GCSAML: variants seen among roughly 807,000 people sequenced by gnomAD.
GCSAML encodes germinal center associated signaling and motility like.
A neutral mutation model predicts 13.0 loss-of-function variants in GCSAML; 9 were observed. The ratio of observed to expected loss-of-function variants is 0.69; its 90% CI spans 0.42 to 1.21. GCSAML has a LOEUF of 1.21. GCSAML is among the 50% of genes most tolerant of loss of function. The pLI is 0.00. For synonymous variants in GCSAML, 37 were observed against 52.9 expected (o/e 0.70, Z 1.31); for missense variants, 143 against 153.4 (o/e 0.93, Z 0.36).
chr1:247,547,929 G>A (rs960996122), upstream of GCSAML, among the ~76,000 whole-genome samples: 3 of 152,086 alleles, frequency 2.0e-5, no homozygotes, highest in Non-Finnish European at 4.4e-5. Context: ...ATCTGAAATG[G>A]GGTGTGTGAC....
rs546856260 is a variant in GCSAML, at chr1:247,511,074, T to G, written c.-263+3841T>G. On this transcript the variant is annotated intron_variant, in intron 1 of 5. Coordinates refer to the GCSAML transcript ENST00000366489. ...CCTTGTTAATTTTGTCTCACTGATC[T>G]AATATTGACAGTGAGGTGTTAAAGT... 1.8e-3 allele frequency among the ~76,000 whole-genome samples: 270 copies of G among 152,346 alleles called. 5 individuals carry two copies. Among genetic ancestry groups the G allele is most frequent in the Admixed American group, 2.8e-3 (43 of 15,294 alleles).
chr1:247,543,276 T>C (rs1008624057), intron 2 of GCSAML, among the ~76,000 whole-genome samples: 1 of 152,224 alleles, frequency 6.6e-6, no homozygotes, highest in Admixed American at 6.5e-5. Flanking sequence ...ATTGTTATGG[T>C]AGCCCCCCTT....
chr1:247,531,277 C>T, intron 2 of GCSAML: 1 of 445,180 alleles, frequency 2.2e-6, no homozygotes, highest in Non-Finnish European at 4.0e-6. Flanking sequence ...AACAGCTGAA[C>T]AACAACGCAA....
At chr1:247,570,041 T>C (rs867086893) in intron 4 of GCSAML, among the ~76,000 whole-genome samples, 1 of 152,246 alleles carries the variant, frequency 6.6e-6, no homozygotes, top group Non-Finnish European at 1.5e-5. Flanking sequence ...TTCTGTGGAA[T>C]CAGTGGTAGT....
intron 2 of GCSAML, among the ~76,000 whole-genome samples, chr1:247,560,817 T>C (rs1447917194): frequency 6.6e-6 from 1 of 152,240 alleles, no homozygotes; most frequent in Non-Finnish European, 1.5e-5. Flanking sequence ...ACGTTGTCAC[T>C]GACTATAGTC....
At chr1:247,534,133 A>C (rs1667121926) in intron 2 of GCSAML, among the ~76,000 whole-genome samples, 1 of 152,126 alleles carries the variant, frequency 6.6e-6, no homozygotes, top group Non-Finnish European at 1.5e-5. Context: ...CTCTTTCCTG[A>C]ATTATTTTTA....
At chr1:247,565,883 T>G (rs1189370549) in intron 3 of GCSAML, 48 bp from the exon 4 acceptor site, 2 of 1,469,740 alleles carry the variant, frequency 1.4e-6, no homozygotes, top group Non-Finnish European at 1.8e-6. Context: ...GGCAAAAGTC[T>G]CACAGTGCTT....
chr1:247,536,288 T>C (rs1667213990), intron 2 of GCSAML: 1 of 152,144 alleles, frequency 6.6e-6, no homozygotes, highest in African/African-American at 2.4e-5. Flanking sequence ...ATTAAAAAAA[T>C]AGGAGTTTAG....
At chr1:247,568,969 A>G (rs1054547763) in intron 4 of GCSAML, among the ~76,000 whole-genome samples, 1 of 147,896 alleles carries the variant, frequency 6.8e-6, no homozygotes, top group African/African-American at 2.5e-5. Context: ...ACAATTTGCA[A>G]TTGTGAATGG....
upstream of GCSAML, among the ~76,000 whole-genome samples, chr1:247,546,751 G>A (rs959925409): frequency 1.5e-4 from 23 of 151,982 alleles, no homozygotes; most frequent in African/African-American, 5.6e-4. Context: ...ATCAATGGGT[G>A]CATGTTTGTT....
chr1:247,556,047 A>T (rs1326282567), intron 1 of GCSAML, among the ~76,000 whole-genome samples: 1 of 152,210 alleles, frequency 6.6e-6, no homozygotes, highest in African/African-American at 2.4e-5. Flanking sequence ...CAAGCAGATC[A>T]TCTTGCCTCA....
chr1:247,508,700 G>C (rs563842866), intron 1 of GCSAML, among the ~76,000 whole-genome samples: 1 of 152,262 alleles, frequency 6.6e-6, no homozygotes, highest in East Asian at 1.9e-4. Flanking sequence ...AAAGTGTAAG[G>C]AAGGTGTCCA....
At chr1:247,533,806 T>G (rs1667108785) in intron 2 of GCSAML, 1 of 152,238 alleles carries the variant, frequency 6.6e-6, no homozygotes, top group Non-Finnish European at 1.5e-5. Flanking sequence ...ATGTCTTTTC[T>G]CCTATGAATC....
intron 2 of GCSAML, chr1:247,532,382 C>CA: frequency 6.2e-7 from 1 of 1,614,104 alleles, no homozygotes; most frequent in Admixed American, 1.7e-5. Flanking sequence ...ATGATGATGC[C>CA]ATTGCCCAAG....
intron 2 of GCSAML, chr1:247,528,501 T>C (rs893452934): frequency 4.6e-5 from 7 of 152,230 alleles, no homozygotes; most frequent in African/African-American, 1.2e-4. Context: ...ATTTCATGTT[T>C]AGCCAACTGT....
At chr1:247,554,468 T>C (rs374081769) in intron 1 of GCSAML, among the ~76,000 whole-genome samples, 2 of 152,222 alleles carry the variant, frequency 1.3e-5, no homozygotes, top group East Asian at 1.9e-4. Flanking sequence ...CCCACAACTT[T>C]CTTGTTTCCT....
At chr1:247,529,214 G>A (rs372467871) in intron 2 of GCSAML, 3 of 152,232 alleles carry the variant, frequency 2.0e-5, no homozygotes, top group Non-Finnish European at 2.9e-5. Flanking sequence ...TTCCATGCCC[G>A]AACCATTTAC....
intron 2 of GCSAML, chr1:247,532,198 G>A: frequency 6.2e-7 from 1 of 1,614,200 alleles, no homozygotes; most frequent in South Asian, 1.1e-5. Context: ...CAGCCAATGG[G>A]AGATATAGAA....
At chr1:247,546,710 A>C (rs1252602646), upstream of GCSAML, among the ~76,000 whole-genome samples, 1 of 152,114 alleles carries the variant, frequency 6.6e-6, no homozygotes, top group Non-Finnish European at 1.5e-5. Context: ...ACTTATGTGC[A>C]AAGGATGATC....
Sources: gnomAD v4.1 joint callset for allele counts (sites outside exome capture counted in the v4.1 genomes callset) on GRCh38, gnomAD v4.1.1 for gene constraint, MANE v1.5 for transcripts, NCBI Gene and HGNC (gene_info 2026-07-23, HGNC 2026-07-21) for gene names.